DNAJC3: variants seen among roughly 807,000 people sequenced by gnomAD.
DNAJC3 encodes the protein DnaJ heat shock protein family (Hsp40) member C3.
In DNAJC3, 38 loss-of-function variants were observed where a neutral mutation model predicts 68.6. The observed-to-expected ratio is 0.55, with a 90% confidence interval of 0.43 to 0.73. The LOEUF (loss-of-function observed/expected upper bound fraction) is 0.73, where lower values mean the gene tolerates loss of function less well. Among genes scored for constraint, DNAJC3 ranks in the 30% least tolerant of loss-of-function variants. The probability of loss-of-function intolerance (pLI) is 0.00; values close to 1 mark genes in which losing one functional copy is unlikely to be tolerated. For missense variants in DNAJC3, 526 were observed against 591.9 expected (o/e 0.89, Z 1.16); for synonymous variants, 203 against 204.0 (o/e 1.00, Z 0.04).
chr13:95,752,250 G>C (rs1882502498), intron 4 of DNAJC3, among the ~76,000 whole-genome samples: 1 of 151,962 alleles, frequency 6.6e-6, no homozygotes, highest in Non-Finnish European at 1.5e-5. Flanking sequence ...TTTGTTTATC[G>C]GTATTTACTA....
chr13:95,790,766 T>C, intron 11 of DNAJC3, 107 bp from the exon 12 acceptor site: 2 of 1,293,008 alleles, frequency 1.5e-6, no homozygotes, highest in Non-Finnish European at 2.1e-6. Context: ...AACCGAAAAG[T>C]AAGTAGCTCC....
At chr13:95,765,568 T>G (rs72636534) in intron 9 of DNAJC3, among the ~76,000 whole-genome samples, 2,603 of 117,496 alleles carry the variant, frequency 0.022, 41 homozygotes, top group Non-Finnish European at 0.033. Context: ...AATTGATCTG[T>G]TTTTTTTTTT....
chr13:95,729,875 T>C (rs963841974), intron 4 of DNAJC3, among the ~76,000 whole-genome samples: 2 of 152,222 alleles, frequency 1.3e-5, no homozygotes, highest in East Asian at 3.9e-4. Flanking sequence ...GCTGACTTCT[T>C]TCAGTTCCTT....
intron 10 of DNAJC3, 61 bp downstream of exon 10, chr13:95,786,132 C>A (rs1391823639): frequency 1.4e-6 from 2 of 1,461,822 alleles, no homozygotes; most frequent in African/African-American, 1.4e-5. Flanking sequence ...CAAAGCTAAT[C>A]ATTGCTCTTT....
chr13:95,696,725 G>A (rs1484711369), intron 1 of DNAJC3, among the ~76,000 whole-genome samples: 1 of 151,554 alleles, frequency 6.6e-6, no homozygotes, highest in East Asian at 1.9e-4. Context: ...TGAGGCTCTT[G>A]TAGGCTGCAG....
chr13:95,748,170 C>G (rs1196864445), intron 4 of DNAJC3, among the ~76,000 whole-genome samples: 2 of 152,076 alleles, frequency 1.3e-5, no homozygotes, highest in African/African-American at 4.8e-5. Context: ...TCCATGAGAT[C>G]CAAATATAAT....
intron 4 of DNAJC3, among the ~76,000 whole-genome samples, chr13:95,753,919 C>T (rs989887268): frequency 3.9e-5 from 6 of 152,136 alleles, no homozygotes; most frequent in Non-Finnish European, 7.3e-5. Flanking sequence ...TTAATTCATT[C>T]ATCTAGACTT....
rs770500824 is a variant in DNAJC3 at position 95,760,021 on chromosome 13, A to G, written c.547-19A>G. 1.0e-5 allele frequency: 16 copies of G among 1,555,324 alleles called. No homozygotes were observed. The South Asian group carries it at 2.0e-4, about 19-fold the overall frequency. On this transcript the variant is annotated intron_variant, in intron 5 of 11. Transcript: ENST00000602402. ...CATAATTTATTCTTTCTTAAAGTCT[A>G]GTTCTTTTGTTCCTCAAGGTTTGTG...
chr13:95,693,434 C>A (rs1002424304), intron 1 of DNAJC3: 4 of 152,092 alleles, frequency 2.6e-5, no homozygotes, highest in African/African-American at 4.8e-5. Flanking sequence ...TAGGACAACC[C>A]CACTTCACAA....
chr13:95,729,545 G>A (rs1270903394), intron 4 of DNAJC3, among the ~76,000 whole-genome samples: 1 of 151,942 alleles, frequency 6.6e-6, no homozygotes, highest in Non-Finnish European at 1.5e-5. Flanking sequence ...GATTTTGATT[G>A]TATAGTAGTT....
chr13:95,687,477 T>C (rs1322074564), intron 1 of DNAJC3, among the ~76,000 whole-genome samples: 1 of 152,238 alleles, frequency 6.6e-6, no homozygotes, highest in Admixed American at 6.5e-5. Flanking sequence ...TTTCAGCTTT[T>C]CCCCATTCAG....
At chr13:95,690,796 C>A (rs1250400738) in intron 1 of DNAJC3, among the ~76,000 whole-genome samples, 4 of 141,836 alleles carry the variant, frequency 2.8e-5, no homozygotes, top group South Asian at 2.3e-4. Context: ...GGGGGCTGAC[C>A]CCCCCACCTC....
At chr13:95,695,603 T>A (rs1880416283) in intron 1 of DNAJC3, 1 of 152,248 alleles carries the variant, frequency 6.6e-6, no homozygotes, top group African/African-American at 2.4e-5. Flanking sequence ...CAGTTGAACA[T>A]CCTTTTGTTA....
At chr13:95,709,051 T>C (rs935369120) in intron 1 of DNAJC3, among the ~76,000 whole-genome samples, 176 bp from the exon 2 acceptor site, 1 of 152,234 alleles carries the variant, frequency 6.6e-6, no homozygotes, top group Admixed American at 6.5e-5. Flanking sequence ...TTGTGCTCCA[T>C]ATAATGAAAT....
chr13:95,728,195 A>G (rs1881591856), intron 4 of DNAJC3, among the ~76,000 whole-genome samples: 1 of 152,108 alleles, frequency 6.6e-6, no homozygotes, highest in Non-Finnish European at 1.5e-5. Context: ...GTGAACGTGA[A>G]TTTTTGTTAT....
chr13:95,749,296 C>T (rs1004648780), intron 4 of DNAJC3, among the ~76,000 whole-genome samples: 1 of 152,172 alleles, frequency 6.6e-6, no homozygotes, highest in Non-Finnish European at 1.5e-5. Flanking sequence ...GTGTGCTAGA[C>T]CATTCTTGTG....
At chr13:95,754,541 T>C (rs1882591874) in intron 4 of DNAJC3, among the ~76,000 whole-genome samples, 1 of 151,464 alleles carries the variant, frequency 6.6e-6, no homozygotes, top group Non-Finnish European at 1.5e-5. Flanking sequence ...AAGATTTAAA[T>C]GTAAAAAAAA....
intron 9 of DNAJC3, among the ~76,000 whole-genome samples, chr13:95,784,546 A>G (rs1883540837): frequency 6.6e-6 from 1 of 152,188 alleles, no homozygotes; most frequent in Admixed American, 6.5e-5. Context: ...TTGGGGAACT[A>G]GTCACTAGAC....
intron 9 of DNAJC3, among the ~76,000 whole-genome samples, chr13:95,764,645 CATATATAT>C (rs755441205): frequency 0.015 from 822 of 56,514 alleles, 16 homozygotes; most frequent in African/African-American, 0.037. Flanking sequence ...AAATAGAATC[CATATATAT>C]ATATATATAT....
Sources: gnomAD v4.1 joint callset for allele counts (sites outside exome capture counted in the v4.1 genomes callset) on GRCh38, gnomAD v4.1.1 for gene constraint, MANE v1.5 for transcripts, NCBI Gene and HGNC (gene_info 2026-07-23, HGNC 2026-07-21) for gene names.